SRRM4: variants seen among roughly 807,000 people sequenced by gnomAD.
The protein encoded by SRRM4 is serine/arginine repetitive matrix protein 4.
In SRRM4, 33 loss-of-function variants were observed where a neutral mutation model predicts 68.9. That is an observed-to-expected ratio of 0.48 (90% CI 0.36 to 0.64). The LOEUF (loss-of-function observed/expected upper bound fraction) is 0.64, where lower values mean the gene tolerates loss of function less well. Ranked by LOEUF, SRRM4 falls within the 30% of genes least tolerant of loss-of-function variation. The probability of loss-of-function intolerance (pLI) is 0.00; values close to 1 mark genes in which losing one functional copy is unlikely to be tolerated. For synonymous variants in SRRM4, 318 were observed against 318.8 expected, an observed-to-expected ratio of 1.00 and a Z score of 0.03; for missense variants, 817 against 827.1, an observed-to-expected ratio of 0.99 and a Z score of 0.15.
chr12:119,028,267 G>C (rs904909922), intron 1 of SRRM4, among the ~76,000 whole-genome samples: 12 of 152,176 alleles, frequency 7.9e-5, no homozygotes, highest in African/African-American at 2.9e-4. Context: ...GCTTAGTATA[G>C]GCAGCTGATA....
rs370307034 is a variant in SRRM4, at chr12:119,145,431, G to A, written c.822G>A (p.Pro274=). 18 of 1,606,674 alleles carry A rather than the reference G, an allele frequency of 1.1e-5. No individual in the cohort carries two copies. The highest frequency in any genetic ancestry group is 4.0e-5 in the African/African-American group (3 of 74,746). Reference sequence around the variant, plus strand: ...ACCTCTTTACCAAAACAGCCAGCCCGCTCACCACCTCGCGAGGACGTTCCC... The same window carrying A: ...ACCTCTTTACCAAAACAGCCAGCCCACTCACCACCTCGCGAGGACGTTCCC... ...AADLFTKTAS[P]LTTSRGRSQE... is the part of the protein sequence containing the mutation. The change falls in exon 9 of 13, where the codon CCG becomes CCA. Residue 274 remains proline, a synonymous_variant. Transcript: ENST00000267260.
chr12:119,109,048 C>G (rs1954125980), intron 2 of SRRM4, among the ~76,000 whole-genome samples: 1 of 152,158 alleles, frequency 6.6e-6, no homozygotes, highest in Non-Finnish European at 1.5e-5. Context: ...ATTTGCTTGT[C>G]TGTAAAGGAT....
intron 1 of SRRM4, among the ~76,000 whole-genome samples, chr12:119,097,809 A>G (rs902436126): frequency 2.6e-5 from 4 of 152,132 alleles, no homozygotes; most frequent in African/African-American, 4.8e-5. Flanking sequence ...CTTCCCCTGT[A>G]CTTCAGATAA....
Position 119,154,311 on chromosome 12 carries a change from G to C in SRRM4, c.1460G>C (p.Arg487Pro), listed in dbSNP as rs374357852. The C allele has an allele frequency of 6.2e-7, 1 of 1,612,470 alleles. No individual in the cohort carries two copies. Among genetic ancestry groups the C allele is most frequent in the Non-Finnish European group, 8.5e-7 (1 of 1,179,502 alleles). ...GAGCGCGAGCGAGCGCGTCGGAGAC[G>C]TCGGTCCTACTCGCCTATGAGAAAG... The part of the protein sequence containing the change: ...QRERERARRR[R>P]RSYSPMRKRR... Residue 487 changes from arginine (R) to proline (P), a missense_variant, in exon 12 of 13, where the codon CGT becomes CCT. Physicochemically the swap from Arg to Pro is moderately radical, Grantham distance 103. Coordinates refer to ENST00000267260, the MANE Select transcript of SRRM4 (RefSeq NM_194286.4). The surrounding 1 kb of genome is among the most constrained non-coding windows in gnomAD (Gnocchi z 4.7).
intron 1 of SRRM4, among the ~76,000 whole-genome samples, chr12:119,052,442 T>C (rs61937980): frequency 0.12 from 17,966 of 152,230 alleles, 1,164 homozygotes; most frequent in East Asian, 0.21. Flanking sequence ...TTTTATAGCT[T>C]AGTTTAATTC....
At chr12:119,121,899 G>A (rs1954221323) in intron 5 of SRRM4, among the ~76,000 whole-genome samples, 171 bp from the exon 6 acceptor site, 1 of 152,180 alleles carries the variant, frequency 6.6e-6, no homozygotes, top group Non-Finnish European at 1.5e-5. Context: ...GGTATCCCTA[G>A]CCGAATTTGC....
chr12:119,018,497 A>C (rs1482017662), intron 1 of SRRM4, among the ~76,000 whole-genome samples: 1 of 152,148 alleles, frequency 6.6e-6, no homozygotes, highest in Non-Finnish European at 1.5e-5. Context: ...CTTAACTGTC[A>C]TCTTGCAAAC....
rs913549021 is a variant in SRRM4 at position 119,160,745 on chromosome 12, G to A, written c.*3947G>A. ...GCCTGAGAGTGTCACCAAAGACAGAGGGAGCTTCACTGAGACTCAGAGGGA... is the reference window on the plus strand; with the variant it reads ...GCCTGAGAGTGTCACCAAAGACAGAAGGAGCTTCACTGAGACTCAGAGGGA... On this transcript the variant is annotated 3_prime_UTR_variant, in exon 13 of 13. Transcript: ENST00000267260. 4 of 152,172 alleles carry A rather than the reference G, an allele frequency of 2.6e-5. No individual in the cohort carries two copies. The highest frequency in any genetic ancestry group is 6.5e-5 in the Admixed American group (1 of 15,276). The allele number at this position is 152,172 out of a possible 1,614,324, so 9.4% of individuals were successfully genotyped here.
chr12:118,988,521 T>C (rs1953297170), intron 1 of SRRM4, among the ~76,000 whole-genome samples: 1 of 152,180 alleles, frequency 6.6e-6, no homozygotes, highest in Non-Finnish European at 1.5e-5. Flanking sequence ...AAATCTAGTC[T>C]GCATTCCATG....
chr12:119,151,728 A>G (rs1317920959), intron 10 of SRRM4, among the ~76,000 whole-genome samples: 1 of 151,648 alleles, frequency 6.6e-6, no homozygotes, highest in Non-Finnish European at 1.5e-5. Context: ...AGTTTGAAAG[A>G]CCCCAGCTGA....
chr12:119,039,810 A>C (rs1953653898), intron 1 of SRRM4, among the ~76,000 whole-genome samples: 1 of 152,176 alleles, frequency 6.6e-6, no homozygotes, highest in Non-Finnish European at 1.5e-5. Flanking sequence ...CCTGGGCTAA[A>C]TCCTGAAACC....
intron 1 of SRRM4, among the ~76,000 whole-genome samples, chr12:119,021,641 C>T (rs1953516470): frequency 6.6e-6 from 1 of 152,100 alleles, no homozygotes; most frequent in African/African-American, 2.4e-5. Flanking sequence ...CACTAGGGAC[C>T]CCACCCCTGA....
intron 1 of SRRM4, among the ~76,000 whole-genome samples, chr12:119,099,122 CTTA>C (rs60429184): frequency 1.5e-4 from 23 of 151,238 alleles, no homozygotes; most frequent in Non-Finnish European, 2.7e-4. Flanking sequence ...CTTGCTGTTC[CTTA>C]TTATTATTAT....
chr12:119,147,666 C>A (rs766046425), intron 9 of SRRM4, among the ~76,000 whole-genome samples: 9 of 152,144 alleles, frequency 5.9e-5, no homozygotes, highest in Non-Finnish European at 1.0e-4. Flanking sequence ...TACAGATATA[C>A]CATAGTATAA....
At chr12:119,002,937 G>GA (rs1224620580) in intron 1 of SRRM4, among the ~76,000 whole-genome samples, 2 of 150,368 alleles carry the variant, frequency 1.3e-5, no homozygotes, top group Non-Finnish European at 3.0e-5. Flanking sequence ...GCATTTGAAT[G>GA]AAATTGCTTC....
At chr12:119,120,548 G>T (rs1197702811) in intron 5 of SRRM4, among the ~76,000 whole-genome samples, 1 of 151,994 alleles carries the variant, frequency 6.6e-6, no homozygotes, top group Non-Finnish European at 1.5e-5. Flanking sequence ...CCCTGCCACT[G>T]GTTGGAATCT....
intron 1 of SRRM4, among the ~76,000 whole-genome samples, chr12:118,987,884 CTT>C (rs1353865506): frequency 1.3e-5 from 2 of 152,116 alleles, no homozygotes; most frequent in East Asian, 3.8e-4. Context: ...GGGAGACAGT[CTT>C]TTTAATTTTT....
At chr12:119,138,512 G>A (rs938719289) in intron 8 of SRRM4, among the ~76,000 whole-genome samples, 5 of 152,176 alleles carry the variant, frequency 3.3e-5, no homozygotes, top group Non-Finnish European at 5.9e-5. Flanking sequence ...TCAGCCTTGA[G>A]TGATGGGGAA....
At chr12:119,072,022 C>T (rs1326887487) in intron 1 of SRRM4, among the ~76,000 whole-genome samples, 2 of 152,218 alleles carry the variant, frequency 1.3e-5, no homozygotes, top group African/African-American at 4.8e-5. Context: ...GCCTCTGCCA[C>T]TTACCAAATG....
Sources: allele counts gnomAD v4.1 joint callset (sites outside exome capture counted in the v4.1 genomes callset), GRCh38; gene constraint gnomAD v4.1.1; non-coding constraint Gnocchi (gnomAD v3.1); transcripts MANE v1.5; gene names NCBI Gene and HGNC (gene_info 2026-07-23, HGNC 2026-07-21).